Variants in TMEM232 observed in about 807,000 individuals in gnomAD.
TMEM232 encodes transmembrane protein 232.
TMEM232 carries 80 observed loss-of-function variants against 78.8 expected under a neutral mutation model. That is an observed-to-expected ratio of 1.01 (90% CI 0.85 to 1.22). TMEM232 has a LOEUF of 1.22. Among genes scored for constraint, TMEM232 ranks in the 50% most tolerant of loss-of-function variants. TMEM232 has a pLI of 0.00. For synonymous variants in TMEM232, 297 were observed against 254.3 expected (o/e 1.17, Z -1.60); for missense variants, 881 against 742.2 (o/e 1.19, Z -2.17).
At chr5:110,706,378 T>G (rs377217465) in intron 1 of TMEM232, among the ~76,000 whole-genome samples, 1 of 152,186 alleles carries the variant, frequency 6.6e-6, no homozygotes, top group African/African-American at 2.4e-5. Context: ...TTTACCACAG[T>G]GGACCTCTCA....
intron 1 of TMEM232, among the ~76,000 whole-genome samples, chr5:110,708,146 A>C (rs1187908234): frequency 6.6e-6 from 1 of 152,212 alleles, no homozygotes; most frequent in East Asian, 1.9e-4. Flanking sequence ...GGGGCAGGTA[A>C]AGGTGACATT....
intron 12 of TMEM232, among the ~76,000 whole-genome samples, chr5:110,513,535 T>C (rs1768111436): frequency 6.6e-6 from 1 of 151,984 alleles, no homozygotes; most frequent in Admixed American, 6.6e-5. Flanking sequence ...AGGAACTGAA[T>C]AGACATTTTT....
intron 5 of TMEM232, among the ~76,000 whole-genome samples, chr5:110,628,681 GT>G (rs1162006204): frequency 0.029 from 4,359 of 151,786 alleles, 169 homozygotes; most frequent in African/African-American, 0.088. Flanking sequence ...GTGTGTGTGT[GT>G]GTGTGTGTGT....
chr5:110,466,292 A>C (rs1327157848), intron 12 of TMEM232, among the ~76,000 whole-genome samples: 1 of 152,212 alleles, frequency 6.6e-6, no homozygotes, highest in Non-Finnish European at 1.5e-5. Context: ...TACCAAGATA[A>C]TGAATTACAA....
intron 12 of TMEM232, among the ~76,000 whole-genome samples, chr5:110,465,991 A>ATCTT (rs913499198): frequency 1.3e-5 from 2 of 152,288 alleles, no homozygotes; most frequent in African/African-American, 4.8e-5. Flanking sequence ...GAAAAAAATG[A>ATCTT]TCTTTCATGA....
chr5:110,404,634 T>TA (rs1289811285), intron 2 of TMEM232, among the ~76,000 whole-genome samples: 4 of 152,066 alleles, frequency 2.6e-5, no homozygotes, highest in Non-Finnish European at 4.4e-5. Flanking sequence ...GAAGAAGAGC[T>TA]AAAAAATCTT....
intron 2 of TMEM232, among the ~76,000 whole-genome samples, chr5:110,642,888 G>A (rs1580472419): frequency 6.6e-6 from 1 of 152,176 alleles, no homozygotes; most frequent in Non-Finnish European, 1.5e-5. Flanking sequence ...GCTACTGCAG[G>A]GTTTGAGAAG....
Position 110,715,106 on chromosome 5 carries a change from A to T in TMEM232, c.-13+11521T>A, listed in dbSNP as rs988550213. 2.0e-5 allele frequency among the ~76,000 whole-genome samples: 3 copies of T among 152,254 alleles called. No homozygotes were observed. The East Asian group carries it at 5.8e-4, about 29-fold the overall frequency. ...GAATATAAATAACTTTATCCAATAA[A>T]CAATATACCTAAAATTTGAAAGTAG... On this transcript the variant is annotated intron_variant, in intron 1 of 13. Transcript: ENST00000455884.
chr5:110,394,868 A>G (rs1250756211), intron 3 of TMEM232, among the ~76,000 whole-genome samples: 1 of 152,112 alleles, frequency 6.6e-6, no homozygotes, highest in Non-Finnish European at 1.5e-5. Context: ...TATGCCTCCA[A>G]TAGGGTCTCT....
At chr5:110,494,273 C>T (rs1390882811) in intron 12 of TMEM232, among the ~76,000 whole-genome samples, 1 of 151,754 alleles carries the variant, frequency 6.6e-6, no homozygotes, top group Non-Finnish European at 1.5e-5. Flanking sequence ...AATTATAATT[C>T]AATCAATAAA....
chr5:110,455,750 C>A (rs542335058), intron 12 of TMEM232, among the ~76,000 whole-genome samples: 6 of 152,178 alleles, frequency 3.9e-5, no homozygotes, highest in Non-Finnish European at 8.8e-5. Flanking sequence ...AAAAGGATAA[C>A]AAATTATGAG....
At chr5:110,480,429 A>C (rs1763733848) in intron 12 of TMEM232, among the ~76,000 whole-genome samples, 1 of 152,086 alleles carries the variant, frequency 6.6e-6, no homozygotes, top group Non-Finnish European at 1.5e-5. Flanking sequence ...CAGACAATGT[A>C]AACAATAAAC....
intron 5 of TMEM232, among the ~76,000 whole-genome samples, chr5:110,637,764 G>T (rs77830506): frequency 1.9e-4 from 29 of 151,916 alleles, no homozygotes; most frequent in Non-Finnish European, 2.2e-4. Flanking sequence ...TACCTGAAAA[G>T]AGTTTTTCAT....
At chr5:110,442,814 A>G (rs1759213791) in intron 12 of TMEM232, among the ~76,000 whole-genome samples, 1 of 152,128 alleles carries the variant, frequency 6.6e-6, no homozygotes, top group Non-Finnish European at 1.5e-5. Flanking sequence ...CAAGCCCAAT[A>G]GCACTGTGAT....
intron 12 of TMEM232, chr5:110,430,189 TAA>T (rs1338742247): frequency 6.6e-6 from 1 of 151,714 alleles, no homozygotes; most frequent in Non-Finnish European, 1.5e-5. Context: ...CAAAATATCA[TAA>T]GTTCATGTTA....
At chr5:110,722,141 T>C (rs992041190) in intron 1 of TMEM232, among the ~76,000 whole-genome samples, 3 of 152,038 alleles carry the variant, frequency 2.0e-5, no homozygotes, top group Non-Finnish European at 4.4e-5. Flanking sequence ...AGAAAGGACA[T>C]GGCAGAAATA....
At chr5:110,733,654 G>C (rs2150384320) in intron 2 of TMEM232, among the ~76,000 whole-genome samples, 1 of 152,222 alleles carries the variant, frequency 6.6e-6, no homozygotes, top group East Asian at 1.9e-4. Context: ...GACACAAAGA[G>C]GGGACCAACA....
intron 2 of TMEM232, among the ~76,000 whole-genome samples, chr5:110,660,259 G>C (rs1035397702): frequency 2.0e-5 from 3 of 152,008 alleles, no homozygotes; most frequent in African/African-American, 7.2e-5. Flanking sequence ...AAAACTGTAA[G>C]AGAGTGAAAT....
chr5:110,556,625 G>T (rs1024414886), intron 11 of TMEM232, among the ~76,000 whole-genome samples: 1 of 152,110 alleles, frequency 6.6e-6, no homozygotes, highest in Admixed American at 6.6e-5. Context: ...GAGCTCCGGT[G>T]ATCCACCCAA....
Sources: gnomAD v4.1 joint callset for allele counts (sites outside exome capture counted in the v4.1 genomes callset) on GRCh38, gnomAD v4.1.1 for gene constraint, MANE v1.5 for transcripts, NCBI Gene and HGNC (gene_info 2026-07-23, HGNC 2026-07-21) for gene names.